Variants in SVEP1 observed in about 807,000 individuals in gnomAD.
SVEP1 encodes the protein sushi, von Willebrand factor type A, EGF and pentraxin domain-containing protein 1.
In SVEP1, 164 loss-of-function variants were observed where a neutral mutation model predicts 367.3. The ratio of observed to expected loss-of-function variants is 0.45; its 90% CI spans 0.39 to 0.51. SVEP1 has a LOEUF of 0.51. SVEP1 is among the 20% of genes least tolerant of loss of function. The pLI, the probability that SVEP1 is intolerant of heterozygous loss-of-function variation, is 0.00. For synonymous variants in SVEP1, 1,666 were observed against 1,611.6 expected (o/e 1.03, Z -0.81); for missense variants, 4,117 against 4,425.3 (o/e 0.93, Z 1.98).
chr9:110,489,576 G>A lies in SVEP1; in HGVS notation c.1930+74C>T, dbSNP rs553089688. On this transcript the variant is annotated intron_variant, in intron 9 of 47. Transcript: ENST00000374469. ...TTACCTCCCACTGGGTCCTTCCCAC[G>A]ACACATGGGAATTATGGGAGCCACA... is the stretch of plus-strand genomic sequence containing the variant. The A allele has an allele frequency of 2.5e-3, 3,729 of 1,474,414 alleles. 4 individuals are homozygous for A. Among genetic ancestry groups the A allele is most frequent in the Non-Finnish European group, 3.2e-3 (3,433 of 1,085,826 alleles). 91.3% of individuals were successfully genotyped at this position (1,474,414 alleles called of 1,614,324 possible). A position where few individuals can be genotyped will look rare whatever the true frequency, so the allele number is the denominator to read the frequency against.
intron 3 of SVEP1, among the ~76,000 whole-genome samples, chr9:110,518,027 T>C (rs1298295439): frequency 6.6e-6 from 1 of 152,172 alleles, no homozygotes; most frequent in African/African-American, 2.4e-5. Context: ...AAGGTATGTA[T>C]TCATGAGAGA....
At chr9:110,428,816 A>C (rs571444804) in intron 35 of SVEP1, among the ~76,000 whole-genome samples, 18 of 152,306 alleles carry the variant, frequency 1.2e-4, no homozygotes, top group African/African-American at 4.3e-4. Context: ...CACACCTGTA[A>C]TTCCAGCACT....
intron 27 of SVEP1, among the ~76,000 whole-genome samples, chr9:110,437,235 C>T (rs1211076750): frequency 2.6e-5 from 4 of 152,162 alleles, no homozygotes; most frequent in Admixed American, 2.0e-4. Context: ...TCCCTTCCTG[C>T]CAGGCAACCA....
At chr9:110,460,116 A>AT (rs1214742983) in intron 18 of SVEP1, among the ~76,000 whole-genome samples, 1 of 152,064 alleles carries the variant, frequency 6.6e-6, no homozygotes, top group Non-Finnish European at 1.5e-5. Context: ...TATCGTTAGT[A>AT]TTTTTATTGG....
At chr9:110,532,334 T>C (rs1302083336) in intron 3 of SVEP1, among the ~76,000 whole-genome samples, 1 of 152,144 alleles carries the variant, frequency 6.6e-6, no homozygotes, top group Admixed American at 6.6e-5. Context: ...CAGGTCTAGC[T>C]GTGTCAGAGC....
intron 29 of SVEP1, among the ~76,000 whole-genome samples, chr9:110,434,715 C>A (rs1828407790): frequency 8.5e-6 from 1 of 117,530 alleles, no homozygotes; most frequent in Admixed American, 8.9e-5. Context: ...CTCCCTCTTT[C>A]AAAATATTTT....
intron 5 of SVEP1, 122 bp from the exon 6 acceptor site, chr9:110,503,339 G>A (rs1829570259): frequency 1.9e-5 from 18 of 937,498 alleles, no homozygotes; most frequent in Admixed American, 5.5e-5. Flanking sequence ...AATAGCAAAC[G>A]ACACATAATA....
rs145521665 is a variant in SVEP1 at position 110,429,985 on chromosome 9, C to T, written c.5550G>A (p.Pro1850=). 196 of 1,612,376 alleles carry T rather than the reference C, an allele frequency of 1.2e-4. No homozygotes were observed. The East Asian group carries it at 3.1e-3, about 26-fold the overall frequency. ...CAATGCAACCATTTTCTGGAATAGC[C>T]GGTTTACCACATGAAACAGCTTAAC... The part of the protein sequence containing the change: ...PYCKAVSCGK[P]AIPENGCIEE... The change falls in exon 34 of 48, where the codon CCG becomes CCA. Residue 1850 remains proline (P), a synonymous_variant. Coordinates refer to ENST00000374469, the MANE Select transcript of SVEP1 (RefSeq NM_153366.4).
chr9:110,509,361 G>C (rs1405043910), intron 5 of SVEP1, among the ~76,000 whole-genome samples: 2 of 152,186 alleles, frequency 1.3e-5, no homozygotes, highest in African/African-American at 4.8e-5. Context: ...AAGTGTAAGG[G>C]CCTGGGTAAG....
chr9:110,549,381 T>C (rs1202485810), intron 2 of SVEP1, among the ~76,000 whole-genome samples: 1 of 152,186 alleles, frequency 6.6e-6, no homozygotes. Flanking sequence ...AGCATATCTA[T>C]CTTCAAATGG....
Position 110,365,523 on chromosome 9 carries a change from T to G in SVEP1, c.*1016A>C, listed in dbSNP as rs780149351. ...GAGTTTCCTATTTTAAAACAAAATC[T>G]AGGGTTTGACTTTATTTTCTGAAGT... On this transcript the variant is annotated 3_prime_UTR_variant, in exon 48 of 48. Coordinates refer to ENST00000374469, the MANE Select transcript of SVEP1 (RefSeq NM_153366.4). 2.0e-5 allele frequency: 3 copies of G among 152,248 alleles called. No individual in the cohort carries two copies. The highest frequency in any genetic ancestry group is 4.4e-5 in the Non-Finnish European group (3 of 68,078). The allele number at this position is 152,248 out of a possible 1,614,324, so 9.4% of individuals were successfully genotyped here. A position where few individuals can be genotyped will look rare whatever the true frequency, so the allele number is the denominator to read the frequency against.
At chr9:110,390,071 A>ACT (rs1564127174) in intron 40 of SVEP1, among the ~76,000 whole-genome samples, 3,135 of 133,632 alleles carry the variant, frequency 0.023, 73 homozygotes, top group African/African-American at 0.046. Flanking sequence ...ATAAGTATAT[A>ACT]TATATACGTG....
intron 17 of SVEP1, 88 bp downstream of exon 17, chr9:110,468,852 G>T: frequency 7.5e-7 from 1 of 1,332,380 alleles, no homozygotes; most frequent in Non-Finnish European, 1.0e-6. Flanking sequence ...AGAGCCGAGT[G>T]TTGGGTGAAG....
In SVEP1 at chr9:110,408,324, C is replaced by T. The variant is rs1180500974; in HGVS notation, c.7276G>A (p.Gly2426Ser). The change falls in exon 38 of 48, where the codon GGC (glycine) becomes AGC (serine). Residue 2426 changes from glycine (G) to serine (S), a missense_variant. Around this residue, in one of 4 missense-constraint regions of SVEP1, gnomAD observed 1,765 missense variants for 1,781.1 expected, o/e 0.99. Transcript: ENST00000374469. ...GNSTTLCQPDGTWSSPLPECV... is the reference protein window; with the variant it reads ...GNSTTLCQPDSTWSSPLPECV... ...TCTGGCAGTGGAGAGCTCCAGGTGCCATCAGGTTGGCAGAGGGTGGTAGAA... is the reference window on the plus strand; with the variant it reads ...TCTGGCAGTGGAGAGCTCCAGGTGCTATCAGGTTGGCAGAGGGTGGTAGAA... The T allele has an allele frequency of 1.2e-6, 2 of 1,613,882 alleles. No individual in the cohort carries two copies. Among genetic ancestry groups the T allele is most frequent in the South Asian group, 1.1e-5 (1 of 91,044 alleles).
At chr9:110,390,654 T>A (rs1224280300) in intron 40 of SVEP1, among the ~76,000 whole-genome samples, 3 of 151,894 alleles carry the variant, frequency 2.0e-5, no homozygotes, top group Non-Finnish European at 4.4e-5. Context: ...CTCCACTGAT[T>A]ATAAGAGCAG....
chr9:110,385,718 T>A (rs1470986488), intron 43 of SVEP1, among the ~76,000 whole-genome samples, 180 bp downstream of exon 43: 3 of 152,236 alleles, frequency 2.0e-5, no homozygotes, highest in Non-Finnish European at 2.9e-5. Context: ...AAGCTTTTTT[T>A]AAAATGTTTG....
Position 110,411,078 on chromosome 9 carries a change from C to T in SVEP1, c.6633G>A (p.Glu2211=), listed in dbSNP as rs1367991879. The change falls in exon 37 of 48, where the codon GAG becomes GAA. Residue 2211 remains glutamate (E), a synonymous_variant. Transcript: ENST00000374469. ...PVSCGEPPKV[E]NGFLEHTTGR... ...GGTCTCTTACCTCCAGAAAGCCATT[C>T]TCAACCTTAGGTGGTTCACCACAAG... The T allele has an allele frequency of 1.3e-6, 2 of 1,573,578 alleles. No individual in the cohort carries two copies. Among genetic ancestry groups the T allele is most frequent in the East Asian group, 2.3e-5 (1 of 44,288 alleles).
At chr9:110,528,154 G>GCATATATATATA (rs1829967218) in intron 3 of SVEP1, among the ~76,000 whole-genome samples, 1 of 25,704 alleles carries the variant, frequency 3.9e-5, no homozygotes, top group East Asian at 5.3e-4. Context: ...GTGTGTGTGT[G>GCATATATATATA]TGTATATATA....
In SVEP1 at chr9:110,408,712, A is replaced by G. The variant is rs765654455; in HGVS notation, c.6888T>C (p.Leu2296=). Residue 2296 remains leucine (L), a synonymous_variant, in exon 38 of 48, where the codon CTT becomes CTC. Transcript: ENST00000374469. ...VQFFCNEGYE[L]VGDSSWTCQK... ...GACATGTCCAAGAACTGTCACCAACAAGCTCATAACCCTCATTACAGAAAA... is the reference window on the plus strand; with the variant it reads ...GACATGTCCAAGAACTGTCACCAACGAGCTCATAACCCTCATTACAGAAAA... 1 of 1,613,996 alleles carries G rather than the reference A, an allele frequency of 6.2e-7. No individual in the cohort carries two copies. The highest frequency in any genetic ancestry group is 2.2e-5 in the East Asian group (1 of 44,876).
Sources: allele counts gnomAD v4.1 joint callset (sites outside exome capture counted in the v4.1 genomes callset), GRCh38; gene constraint gnomAD v4.1.1; regional missense constraint gnomAD v4.1.1; transcripts MANE v1.5; gene names NCBI Gene and HGNC (gene_info 2026-07-23, HGNC 2026-07-21).